ANO2: variants seen among roughly 807,000 people sequenced by gnomAD.
ANO2 encodes anoctamin 2.
In ANO2, 101 loss-of-function variants were observed where a neutral mutation model predicts 124.2. The observed-to-expected ratio is 0.81, with a 90% CI of 0.69 to 0.96. The LOEUF is 0.96. Ranked by LOEUF, ANO2 falls within the 40% of genes least tolerant of loss-of-function variation. The probability of loss-of-function intolerance (pLI) is 0.00; values close to 1 mark genes in which losing one functional copy is unlikely to be tolerated. For missense variants in ANO2, 1,293 were observed against 1,274.5 expected, an observed-to-expected ratio of 1.01 and a Z score of -0.22; for synonymous variants, 486 against 482.5, an observed-to-expected ratio of 1.01 and a Z score of -0.09.
intron 4 of ANO2, among the ~76,000 whole-genome samples, chr12:5,833,608 A>G (rs2137221143): frequency 6.6e-6 from 1 of 152,322 alleles, no homozygotes; most frequent in South Asian, 2.1e-4. Context: ...ACTGGACCAC[A>G]CAACAGGAGG....
intron 20 of ANO2, among the ~76,000 whole-genome samples, chr12:5,594,906 T>G (rs1943584041): frequency 6.6e-6 from 1 of 152,152 alleles, no homozygotes; most frequent in African/African-American, 2.4e-5. Flanking sequence ...TTGCCAGTCC[T>G]TTTCCCTGGA....
intron 4 of ANO2, among the ~76,000 whole-genome samples, chr12:5,842,293 G>A (rs1311200135): frequency 6.6e-6 from 1 of 152,168 alleles, no homozygotes; most frequent in African/African-American, 2.4e-5. Flanking sequence ...AGTACCTGGT[G>A]TATGGTAATA....
rs146448021 is a variant in ANO2, at chr12:5,885,851, G to T, written c.535-31710C>A. Among the ~76,000 whole-genome samples, 476 of 152,220 alleles carry T rather than the reference G, an allele frequency of 3.1e-3. 1 individual carries two copies. The highest frequency in any genetic ancestry group is 0.014 in the Middle Eastern group (4 of 294). ...TGAATCAACACCTACTCAAGAAAGG[G>T]GTCCTTAGTCCATTAAGGCTGACTC... On this transcript the variant is annotated intron_variant, in intron 3 of 24. Transcript: ENST00000682330.
chr12:5,865,140 C>G (rs921412207), intron 3 of ANO2, among the ~76,000 whole-genome samples: 1 of 152,198 alleles, frequency 6.6e-6, no homozygotes, highest in African/African-American at 2.4e-5. Context: ...AGTGACTCAT[C>G]TCTCCCTTAA....
intron 14 of ANO2, among the ~76,000 whole-genome samples, chr12:5,680,134 G>A (rs1948428950): frequency 6.6e-6 from 1 of 152,198 alleles, no homozygotes; most frequent in Non-Finnish European, 1.5e-5. Flanking sequence ...GGGGCCTGTT[G>A]GTGGTGGTTA....
upstream of ANO2, chr12:5,946,172 C>T (rs987159804): frequency 4.3e-6 from 7 of 1,613,904 alleles, no homozygotes; most frequent in Admixed American, 1.0e-4. This position sits in a 1 kb window ranked among gnomAD's most constrained non-coding sequence, Gnocchi z 4.1. Flanking sequence ...AAGATTTTCT[C>T]TCCTATATTG....
chr12:5,830,314 C>A, intron 6 of ANO2, 121 bp downstream of exon 6: 1 of 1,004,876 alleles, frequency 1.0e-6, no homozygotes, highest in Non-Finnish European at 1.5e-6. Flanking sequence ...TTCTCTGTTG[C>A]TAGGCAACTC....
At chr12:5,882,665 T>C (rs1403665194) in intron 3 of ANO2, among the ~76,000 whole-genome samples, 2 of 152,048 alleles carry the variant, frequency 1.3e-5, no homozygotes, top group Non-Finnish European at 2.9e-5. Flanking sequence ...TCAGCTGGGG[T>C]GGTCTGAAAG....
chr12:5,754,707 G>C (rs566312389), intron 10 of ANO2, among the ~76,000 whole-genome samples: 1 of 152,130 alleles, frequency 6.6e-6, no homozygotes, highest in Non-Finnish European at 1.5e-5. Context: ...ATTTATTCTA[G>C]ATTGTCCAAT....
At chr12:5,807,212 C>T (rs1953224941) in intron 8 of ANO2, 101 bp downstream of exon 8, 19 of 987,812 alleles carry the variant, frequency 1.9e-5, no homozygotes, top group Admixed American at 1.6e-4. Context: ...TTCACTCCTG[C>T]CTCACCCTGC....
At chr12:5,812,088 G>A (rs1953406491) in intron 7 of ANO2, among the ~76,000 whole-genome samples, 1 of 136,018 alleles carries the variant, frequency 7.4e-6, no homozygotes, top group African/African-American at 2.7e-5. Flanking sequence ...GAGAGGAAGG[G>A]ATGGGAGGGG....
At chr12:5,700,618 C>CA (rs557167186) in intron 14 of ANO2, among the ~76,000 whole-genome samples, 30 of 151,868 alleles carry the variant, frequency 2.0e-4, no homozygotes, top group East Asian at 1.6e-3. Flanking sequence ...GATAGAGATA[C>CA]AAAAAAACCT....
At chr12:5,931,500 G>C (rs2136317010) in intron 1 of ANO2, among the ~76,000 whole-genome samples, 1 of 151,344 alleles carries the variant, frequency 6.6e-6, no homozygotes, top group East Asian at 1.9e-4. Context: ...AAAGAAGGCA[G>C]ACGAGTGAGG....
intron 3 of ANO2, among the ~76,000 whole-genome samples, chr12:5,866,537 A>G (rs1263023345): frequency 6.6e-6 from 1 of 152,246 alleles, no homozygotes; most frequent in East Asian, 1.9e-4. Flanking sequence ...GGCTAGAGCC[A>G]GAGGGCATGT....
At chr12:5,605,088 C>T (rs1418595314) in intron 19 of ANO2, among the ~76,000 whole-genome samples, 1 of 152,098 alleles carries the variant, frequency 6.6e-6, no homozygotes, top group African/African-American at 2.4e-5. Context: ...AGACAGGTCC[C>T]TACAGACGTG....
At chr12:5,933,090 G>A (rs976986797) in intron 1 of ANO2, among the ~76,000 whole-genome samples, 11 of 152,172 alleles carry the variant, frequency 7.2e-5, no homozygotes, top group East Asian at 3.9e-4. Context: ...GGCCAGCTAC[G>A]TGGTGAGATT....
intron 3 of ANO2, among the ~76,000 whole-genome samples, chr12:5,884,799 G>A (rs9783445): frequency 0.01 from 1,588 of 152,250 alleles, 29 homozygotes; most frequent in African/African-American, 0.036. Flanking sequence ...AAGCCAGCAG[G>A]CAAACCCACT....
In ANO2 at chr12:5,922,677, G is replaced by T. The variant is rs200560662; in HGVS notation, c.150C>A (p.Gly50=). The part of the protein sequence containing the change: ...MPGPRAPGLQ[G]GSNRDPGQPC... Reference sequence around the variant, plus strand: ...GCTGGCCAGGATCTCTGTTGGAACCGCCCTGCAGACCTGGGGCCCGGGGAC... The same window carrying T: ...GCTGGCCAGGATCTCTGTTGGAACCTCCCTGCAGACCTGGGGCCCGGGGAC... Residue 50 remains glycine, a synonymous_variant, in exon 2 of 25, where the codon GGC becomes GGA. Transcript: ENST00000682330. 2.0e-6 allele frequency: 3 copies of T among 1,502,746 alleles called. No individual in the cohort carries two copies. The highest frequency in any genetic ancestry group is 2.7e-6 in the Non-Finnish European group (3 of 1,117,086). 93.1% of individuals were successfully genotyped at this position (1,502,746 alleles called of 1,614,324 possible). A position where few individuals can be genotyped will look rare whatever the true frequency, so the allele number is the denominator to read the frequency against.
At chr12:5,625,040 T>C (rs941713122) in intron 16 of ANO2, among the ~76,000 whole-genome samples, 1 of 151,996 alleles carries the variant, frequency 6.6e-6, no homozygotes, top group African/African-American at 2.4e-5. Context: ...CTGGTGGAAG[T>C]ACTGGGAGGG....
Sources: gnomAD v4.1 joint callset for allele counts (sites outside exome capture counted in the v4.1 genomes callset) on GRCh38, gnomAD v4.1.1 for gene constraint, Gnocchi (gnomAD v3.1) non-coding constraint, MANE v1.5 for transcripts, NCBI Gene and HGNC (gene_info 2026-07-23, HGNC 2026-07-21) for gene names.